The following RAD50 variants were observed in gnomAD, a reference collection of about 807,000 sequenced individuals.
RAD50 encodes DNA repair protein RAD50.
RAD50 carries 132 observed loss-of-function variants against 168.8 expected under a neutral mutation model. That is an observed-to-expected ratio of 0.78 (90% confidence interval 0.68 to 0.90). The LOEUF is 0.90. RAD50 is among the 40% of genes least tolerant of loss of function. The pLI is 0.00. For missense variants in RAD50, 1,347 were observed against 1,534.4 expected, an observed-to-expected ratio of 0.88 and a Z score of 2.04; for synonymous variants, 525 against 497.4, an observed-to-expected ratio of 1.06 and a Z score of -0.74.
At chr5:132,625,333 G>A (rs1164343448) in intron 21 of RAD50, among the ~76,000 whole-genome samples, 1 of 151,972 alleles carries the variant, frequency 6.6e-6, no homozygotes, top group Non-Finnish European at 1.5e-5. Flanking sequence ...TGATCCGCCC[G>A]CCTCGGCCTC....
Position 132,581,094 on chromosome 5 carries a change from GTATT to G in RAD50, c.756+1046_756+1049del, listed in dbSNP as rs971534162. 3.9e-5 allele frequency among the ~76,000 whole-genome samples: 6 copies of G among 151,984 alleles called. No homozygotes were observed. In the South Asian group the frequency reaches 6.2e-4, roughly 16 times the overall value. On this transcript the variant is annotated intron_variant, in intron 5 of 24. Transcript: ENST00000378823. Reference sequence around the variant, plus strand: ...ACTAGAAGACATTTTATACATGTTTGTATTTATTTATTTATTTATTTTTGAGATG... The same window carrying G: ...ACTAGAAGACATTTTATACATGTTTGTATTTATTTATTTATTTTTGAGATG...
intron 21 of RAD50, among the ~76,000 whole-genome samples, chr5:132,625,349 G>A (rs1384636160): frequency 6.6e-6 from 1 of 152,044 alleles, no homozygotes; most frequent in Non-Finnish European, 1.5e-5. Flanking sequence ...GCCTCCCAAA[G>A]TGCTGGGATT....
chr5:132,580,642 A>G (rs1268660849), intron 5 of RAD50, among the ~76,000 whole-genome samples: 1 of 152,184 alleles, frequency 6.6e-6, no homozygotes, highest in African/African-American at 2.4e-5. Context: ...ATGTTCATAT[A>G]TTTGCAAATG....
intron 16 of RAD50, 60 bp downstream of exon 16, chr5:132,605,059 T>A (rs113094172): frequency 7.6e-7 from 1 of 1,314,218 alleles, no homozygotes; most frequent in African/African-American, 1.5e-5. Flanking sequence ...TTTATTTTTA[T>A]TTTTTGAGAC....
chr5:132,563,163 T>C lies in RAD50; in HGVS notation c.213+3796T>C, dbSNP rs934234605. Among the ~76,000 whole-genome samples, 3 of 152,214 alleles carry C rather than the reference T, an allele frequency of 2.0e-5. No individual in the cohort carries two copies. In the East Asian group the frequency reaches 5.8e-4, roughly 29 times the overall value. On this transcript the variant is annotated intron_variant, in intron 2 of 24. Coordinates refer to ENST00000378823, the MANE Select transcript of RAD50 (RefSeq NM_005732.4). ...GGATAAAGGAAAGTTTTGTTGTTGT[T>C]GTTTTATTGTGTTTTTAAAAGTGGG...
intron 19 of RAD50, among the ~76,000 whole-genome samples, chr5:132,612,158 C>T (rs1452158900): frequency 6.6e-6 from 1 of 152,142 alleles, no homozygotes; most frequent in Non-Finnish European, 1.5e-5. Context: ...ATGTGGTATA[C>T]CCATACAATG....
intron 6 of RAD50, 58 bp from the exon 7 acceptor site, chr5:132,587,866 A>G (rs1750622220): frequency 2.5e-6 from 4 of 1,574,792 alleles, no homozygotes; most frequent in Non-Finnish European, 3.5e-6. Flanking sequence ...TGATACCTCA[A>G]AGTGATCATA....
At chr5:132,557,494 A>G (rs1750025186) in intron 1 of RAD50, 41 bp downstream of exon 1, 4 of 1,612,418 alleles carry the variant, frequency 2.5e-6, no homozygotes, top group Middle Eastern at 1.7e-4. Flanking sequence ...AGGTCGCTAC[A>G]TCTTTCGGAG....
At chr5:132,636,566 C>G (rs2040703) in intron 21 of RAD50, among the ~76,000 whole-genome samples, 50,368 of 152,018 alleles carry the variant, frequency 0.33, 10,893 homozygotes, top group African/African-American at 0.62. Flanking sequence ...AGGAATAAAA[C>G]CAACATAAGA....
At chr5:132,606,165 C>CA (rs1356645726) in intron 16 of RAD50, among the ~76,000 whole-genome samples, 1 of 151,846 alleles carries the variant, frequency 6.6e-6, no homozygotes, top group East Asian at 1.9e-4. Flanking sequence ...AAAAACCCTT[C>CA]AAAAAAATCA....
chr5:132,625,457 G>A (rs6874184), intron 21 of RAD50, among the ~76,000 whole-genome samples: 39,640 of 151,968 alleles, frequency 0.26, 5,745 homozygotes, highest in African/African-American at 0.39. Context: ...TATGTGGTAC[G>A]TGAGATATTT....
At chr5:132,586,305 G>A (rs1216340467) in intron 5 of RAD50, among the ~76,000 whole-genome samples, 1 of 152,094 alleles carries the variant, frequency 6.6e-6, no homozygotes, top group Non-Finnish European at 1.5e-5. Flanking sequence ...TTTTGTACAA[G>A]TCAGTTAAGT....
At chr5:132,561,401 C>T (rs1216120065) in intron 2 of RAD50, among the ~76,000 whole-genome samples, 1 of 152,082 alleles carries the variant, frequency 6.6e-6, no homozygotes, top group Non-Finnish European at 1.5e-5. Context: ...TCATGTTGGC[C>T]AGGCTGGTCT....
intron 13 of RAD50, among the ~76,000 whole-genome samples, chr5:132,601,009 A>C (rs1157491903): frequency 6.6e-6 from 1 of 152,116 alleles, no homozygotes; most frequent in African/African-American, 2.4e-5. Context: ...AAAAAATAAA[A>C]TGTCATAAAT....
At chr5:132,558,820 G>C (rs545775671) in intron 1 of RAD50, among the ~76,000 whole-genome samples, 8 of 151,682 alleles carry the variant, frequency 5.3e-5, no homozygotes, top group Non-Finnish European at 1.2e-4. Context: ...GATTGCTTGA[G>C]CCCAGGAGGT....
At chr5:132,588,214 G>A (rs1750631764) in intron 7 of RAD50, 125 bp downstream of exon 7, 2 of 1,116,988 alleles carry the variant, frequency 1.8e-6, no homozygotes, top group Non-Finnish European at 1.3e-6. Context: ...TACACAGTAT[G>A]TTTCCATTTA....
chr5:132,629,689 C>T (rs1442246400), intron 21 of RAD50, among the ~76,000 whole-genome samples: 2 of 152,168 alleles, frequency 1.3e-5, no homozygotes, highest in Non-Finnish European at 2.9e-5. Context: ...CAAAATTTCC[C>T]TCATTCTTTC....
At position 132,557,020 on chromosome 5, in the gene RAD50, G is replaced by A. The variant is rs1158770385; in HGVS notation, c.-305G>A. The A allele has an allele frequency of 1.3e-5, 9 of 697,654 alleles. No homozygotes were observed. Among genetic ancestry groups the A allele is most frequent in the Admixed American group, 6.6e-5 (2 of 30,280 alleles). 43.2% of individuals were successfully genotyped at this position (697,654 alleles called of 1,614,324 possible). On this transcript the variant is annotated 5_prime_UTR_variant, in exon 1 of 25. Transcript: ENST00000378823. ...CCGAGGCAGGAAGCTGTGAGTGCGC[G>A]GTTGCGGGGTCGCATTGTGGCTACG...
chr5:132,560,603 G>C (rs752498263), intron 2 of RAD50, among the ~76,000 whole-genome samples: 2 of 152,152 alleles, frequency 1.3e-5, no homozygotes, highest in Non-Finnish European at 2.9e-5. Flanking sequence ...CGAAACTACT[G>C]TACATACGTG....
Sources: allele counts gnomAD v4.1 joint callset (sites outside exome capture counted in the v4.1 genomes callset), GRCh38; gene constraint gnomAD v4.1.1; transcripts MANE v1.5; gene names NCBI Gene and HGNC (gene_info 2026-07-23, HGNC 2026-07-21).